The following CHSY1 variants were observed in gnomAD, a reference collection of about 807,000 sequenced individuals.
CHSY1 encodes N-acetylgalactosaminyl-proteoglycan 3-beta-glucuronosyltransferase 1.
Under a neutral mutation model 59.8 loss-of-function variants are expected in CHSY1, and 13 were observed. The observed-to-expected ratio is 0.22, with a 90% CI of 0.14 to 0.35. The LOEUF (loss-of-function observed/expected upper bound fraction) is 0.35. Ranked by LOEUF, CHSY1 falls within the 10% of genes least tolerant of loss-of-function variation. The probability of loss-of-function intolerance (pLI) is 1.00; values close to 1 mark genes in which losing one functional copy is unlikely to be tolerated. For missense variants in CHSY1, 947 were observed against 1,030.6 expected (o/e 0.92, Z 1.11); for synonymous variants, 459 against 401.2 (o/e 1.14, Z -1.72).
At chr15:101,236,571 C>G (rs1011801778) in intron 1 of CHSY1, among the ~76,000 whole-genome samples, 2 of 152,194 alleles carry the variant, frequency 1.3e-5, no homozygotes, top group African/African-American at 4.8e-5. Context: ...CCTGTAATCC[C>G]TGTACTTTGG....
Position 101,177,758 on chromosome 15 carries a change from G to C in CHSY1, c.2039C>G (p.Ala680Gly). ...CCAGAAGCCAGTTTTCTGAGTAAAGGCAAAATGGTTGTCACTGGGAACTTT... is the reference window on the plus strand; with the variant it reads ...CCAGAAGCCAGTTTTCTGAGTAAAGCCAAAATGGTTGTCACTGGGAACTTT... ...SGKVPSDNHF[A>G]FTQKTGFWRN... Residue 680 changes from alanine (A) to glycine (G), a missense_variant, in exon 3 of 3, where the codon GCC (alanine) becomes GGC (glycine). Physicochemically the swap from Ala to Gly is moderately conservative, Grantham distance 60. This residue lies in a region of CHSY1 where 602 missense variants were observed against 676.9 expected (regional missense o/e 0.89). Transcript: ENST00000254190. 1 of 1,614,180 alleles carries C rather than the reference G, an allele frequency of 6.2e-7. No individual in the cohort carries two copies. The highest frequency in any genetic ancestry group is 8.5e-7 in the Non-Finnish European group (1 of 1,180,022).
chr15:101,186,237 T>C (rs534262019), intron 2 of CHSY1, among the ~76,000 whole-genome samples: 8 of 150,420 alleles, frequency 5.3e-5, no homozygotes, highest in Non-Finnish European at 1.2e-4. Flanking sequence ...GGAGAATCAA[T>C]TGAGTCTGGG....
At chr15:101,243,123 C>A (rs757520562) in intron 1 of CHSY1, among the ~76,000 whole-genome samples, 1 of 152,138 alleles carries the variant, frequency 6.6e-6, no homozygotes, top group African/African-American at 2.4e-5. Flanking sequence ...CAAGCCCAGA[C>A]GGCATTCCAA....
chr15:101,248,847 C>T lies in CHSY1; in HGVS notation c.320+2290G>A, dbSNP rs560850270. Among the ~76,000 whole-genome samples the T allele has an allele frequency of 9.1e-4, 139 of 152,158 alleles. 1 individual carries two copies. Among genetic ancestry groups the T allele is most frequent in the African/African-American group, 2.5e-3 (105 of 41,488 alleles). ...TGCCCCCCAGGATGGAGCGCAGTGA[C>T]GCAATCTCGGGTCACAGCAACCTCT... On this transcript the variant is annotated intron_variant, in intron 1 of 2. Coordinates refer to ENST00000254190, the MANE Select transcript of CHSY1 (RefSeq NM_014918.5).
intron 2 of CHSY1, among the ~76,000 whole-genome samples, chr15:101,228,004 T>C (rs62019753): frequency 6.6e-6 from 1 of 151,686 alleles, no homozygotes; most frequent in Non-Finnish European, 1.5e-5. Flanking sequence ...AAAAAAAAAT[T>C]ATGAGGTATC....
rs1208495411 is a variant in CHSY1 at position 101,251,953 on chromosome 15, C to G, written c.-497G>C. On this transcript the variant is annotated 5_prime_UTR_variant, in exon 1 of 3. Coordinates refer to ENST00000254190, the MANE Select transcript of CHSY1 (RefSeq NM_014918.5). ...TCGCCATTGCAACAGGAGCCCCTCA[C>G]GTCACGCACGGCGCGTTATGAAGTG... 2 of 151,310 alleles carry G rather than the reference C, an allele frequency of 1.3e-5. No individual in the cohort carries two copies. Among genetic ancestry groups the G allele is most frequent in the South Asian group, 2.1e-4 (1 of 4,832 alleles). 9.4% of individuals were successfully genotyped at this position (151,310 alleles called of 1,614,324 possible).
At chr15:101,188,169 T>A in intron 2 of CHSY1, 1 of 985,444 alleles carries the variant, frequency 1.0e-6, no homozygotes, top group Non-Finnish European at 1.2e-6. Flanking sequence ...CATTCGGACT[T>A]AGGCAGCGTT....
chr15:101,212,392 A>G (rs1348607393), intron 2 of CHSY1, among the ~76,000 whole-genome samples: 1 of 152,230 alleles, frequency 6.6e-6, no homozygotes, highest in Non-Finnish European at 1.5e-5. Context: ...TTTGTTCATA[A>G]TAGTAAAAAA....
At chr15:101,239,799 AT>A (rs2038984384) in intron 1 of CHSY1, among the ~76,000 whole-genome samples, 1 of 152,112 alleles carries the variant, frequency 6.6e-6, no homozygotes, top group South Asian at 2.1e-4. Flanking sequence ...CTAACTGCAA[AT>A]TTCACGAGCA....
intron 2 of CHSY1, among the ~76,000 whole-genome samples, chr15:101,186,176 CA>C (rs1333522365): frequency 7.0e-6 from 1 of 143,858 alleles, no homozygotes; most frequent in Non-Finnish European, 1.5e-5. Flanking sequence ...AAAAAATAGC[CA>C]GGGGTGGTGG....
chr15:101,186,532 G>A lies in CHSY1; in HGVS notation c.817-7552C>T, dbSNP rs1232403447. ...TTTATAAAATGACTGGGCTGGGCAA[G>A]GTGGCTCACACCTGTAACCTCAGCA... On this transcript the variant is annotated intron_variant, in intron 2 of 2. Transcript: ENST00000254190. The A allele has an allele frequency of 2.6e-5, 4 of 152,196 alleles. No individual in the cohort carries two copies. In the South Asian group the frequency reaches 6.2e-4, roughly 24 times the overall value. The allele number at this position is 152,196 out of a possible 1,614,324, so 9.4% of individuals were successfully genotyped here.
chr15:101,177,646 C>T lies in CHSY1; in HGVS notation c.2151G>A (p.Gly717=). 6.2e-7 allele frequency: 1 copy of T among 1,614,174 alleles called. No homozygotes were observed. The highest frequency in any genetic ancestry group is 8.5e-7 in the Non-Finnish European group (1 of 1,180,030). The change falls in exon 3 of 3, where the codon GGG becomes GGA. Residue 717 remains glycine (G), a synonymous_variant. Transcript: ENST00000254190. ...TGTTGAAAAGGTCCACATCCTCCAG[C>T]CCCCAGCCTTGGATGGAAACATCAA... The part of the protein sequence containing the change: ...GGFDVSIQGW[G]LEDVDLFNKV...
At chr15:101,211,686 A>AG (rs1233939799) in intron 2 of CHSY1, among the ~76,000 whole-genome samples, 2 of 152,176 alleles carry the variant, frequency 1.3e-5, no homozygotes, top group Non-Finnish European at 2.9e-5. Flanking sequence ...AAAATCAAAG[A>AG]GAAAAAAAAT....
chr15:101,195,884 T>C (rs547209218), intron 2 of CHSY1, among the ~76,000 whole-genome samples: 2 of 148,086 alleles, frequency 1.4e-5, no homozygotes, highest in South Asian at 2.1e-4. Context: ...GACTATCAAA[T>C]AGATTCAAAT....
At chr15:101,214,586 C>G (rs573285492) in intron 2 of CHSY1, among the ~76,000 whole-genome samples, 5 of 152,156 alleles carry the variant, frequency 3.3e-5, no homozygotes, top group Admixed American at 6.5e-5. Context: ...AATCTCATGT[C>G]GGATTGCAGT....
At chr15:101,218,021 T>C (rs2038751943) in intron 2 of CHSY1, among the ~76,000 whole-genome samples, 3 of 152,204 alleles carry the variant, frequency 2.0e-5, no homozygotes. Flanking sequence ...GTGATGGAAA[T>C]GGCATTTTAT....
At chr15:101,181,418 T>C (rs1461774246) in intron 2 of CHSY1, among the ~76,000 whole-genome samples, 3 of 152,254 alleles carry the variant, frequency 2.0e-5, no homozygotes, top group Non-Finnish European at 4.4e-5. Context: ...CATAATATCG[T>C]TTGTGGAAGG....
intron 2 of CHSY1, among the ~76,000 whole-genome samples, chr15:101,229,246 A>G (rs2038870400): frequency 6.6e-6 from 1 of 152,254 alleles, no homozygotes; most frequent in Non-Finnish European, 1.5e-5. Flanking sequence ...AATTAATTAA[A>G]TACTCCAATT....
At chr15:101,209,781 A>G (rs748530254) in intron 2 of CHSY1, among the ~76,000 whole-genome samples, 3 of 152,260 alleles carry the variant, frequency 2.0e-5, no homozygotes, top group Non-Finnish European at 4.4e-5. Flanking sequence ...TAGAAGATAC[A>G]TAGTGGCATT....
Sources: allele counts gnomAD v4.1 joint callset (sites outside exome capture counted in the v4.1 genomes callset), GRCh38; gene constraint gnomAD v4.1.1; regional missense constraint gnomAD v4.1.1; transcripts MANE v1.5; gene names NCBI Gene and HGNC (gene_info 2026-07-23, HGNC 2026-07-21).